POU6F1: variants seen among roughly 807,000 people sequenced by gnomAD.
POU6F1 encodes POU class 6 homeobox 1, also known as POU domain, class 6, transcription factor 1.
In POU6F1, 9 loss-of-function variants were observed where a neutral mutation model predicts 28.9. The observed-to-expected ratio is 0.31, with a 90% CI of 0.19 to 0.54. The LOEUF (loss-of-function observed/expected upper bound fraction) is 0.54, where lower values mean the gene tolerates loss of function less well. Ranked by LOEUF, POU6F1 falls within the 20% of genes least tolerant of loss-of-function variation. POU6F1 has a pLI of 0.94. For synonymous variants in POU6F1, 173 were observed against 171.1 expected, an observed-to-expected ratio of 1.01 and a Z score of -0.09; for missense variants, 338 against 426.1, an observed-to-expected ratio of 0.79 and a Z score of 1.82.
chr12:51,200,289 G>C (rs1943127008), intron 3 of POU6F1, among the ~76,000 whole-genome samples: 1 of 152,188 alleles, frequency 6.6e-6, no homozygotes, highest in African/African-American at 2.4e-5. Flanking sequence ...CTGAATCGCT[G>C]TTCATCCACC....
chr12:51,206,400 G>A (rs997149036), intron 2 of POU6F1, among the ~76,000 whole-genome samples: 14 of 150,688 alleles, frequency 9.3e-5, no homozygotes, highest in African/African-American at 1.7e-4. Context: ...TCCAGCCTGG[G>A]TGACAGAGTG....
chr12:51,209,858 A>G (rs1943869915), intron 1 of POU6F1, among the ~76,000 whole-genome samples: 1 of 152,160 alleles, frequency 6.6e-6, no homozygotes, highest in African/African-American at 2.4e-5. Context: ...AGGTAGGATG[A>G]GGGGGTGCAG....
intron 3 of POU6F1, among the ~76,000 whole-genome samples, chr12:51,200,550 C>T (rs1280676641): frequency 1.3e-5 from 2 of 152,186 alleles, no homozygotes; most frequent in Non-Finnish European, 2.9e-5. Context: ...AGCCTACACA[C>T]GTACTGGGGT....
intron 3 of POU6F1, chr12:51,201,757 G>A (rs1565618251): frequency 6.6e-6 from 1 of 152,086 alleles, no homozygotes. Flanking sequence ...ACATACATTA[G>A]GGCTGCTATT....
chr12:51,190,415 T>C lies in POU6F1; in HGVS notation c.1668A>G (p.Ile556Met). Reference sequence around the variant, plus strand: ...TCTCAAAATAGGCATTGAGAGCCTCTATGGCCTGGGGGGTGAAGGAGGTGC... The same window carrying C: ...TCTCAAAATAGGCATTGAGAGCCTCCATGGCCTGGGGGGTGAAGGAGGTGC... ...KRRTSFTPQAIEALNAYFEKN... is the reference protein window; with the variant it reads ...KRRTSFTPQAMEALNAYFEKN... The change falls in exon 11 of 11, where the codon ATA becomes ATG. Residue 556 changes from isoleucine (I) to methionine (M), a missense_variant. Physicochemically the swap from Ile to Met is conservative, Grantham distance 10. Transcript: ENST00000333640. This position sits in a 1 kb window ranked among gnomAD's most constrained non-coding sequence, Gnocchi z 4.5. The C allele has an allele frequency of 6.2e-7, 1 of 1,614,138 alleles. No homozygotes were observed. Among genetic ancestry groups the C allele is most frequent in the South Asian group, 1.1e-5 (1 of 91,076 alleles).
At chr12:51,207,866 G>A (rs143788930) in intron 1 of POU6F1, among the ~76,000 whole-genome samples, 194 of 152,344 alleles carry the variant, frequency 1.3e-3, no homozygotes, top group Non-Finnish European at 2.4e-3. Context: ...TGTAACAGAG[G>A]AGGTGGGACA....
intron 6 of POU6F1, 32 bp downstream of exon 6, chr12:51,197,738 C>T (rs1942935337): frequency 5.0e-6 from 2 of 399,408 alleles, no homozygotes; most frequent in Admixed American, 8.8e-5. Context: ...CCGTCCATCC[C>T]TGGTCAGCCC....
Position 51,196,104 on chromosome 12 carries a change from G to C in POU6F1, c.1045C>G (p.Gln349Glu). The change falls in exon 8 of 11, where the codon CAG (glutamine) becomes GAG (glutamate). Residue 349 changes from glutamine to glutamate, a missense_variant. Transcript: ENST00000333640. ...AGCTGGGGGGTCACGGCCTGGACCT[G>C]CAGGCTTTGGGCTGGTGCTGGGGCC... is the stretch of plus-strand genomic sequence containing the variant. ...VAAPAPAQSL[Q>E]VQAVTPQLLL... 6.3e-7 allele frequency: 1 copy of C among 1,595,704 alleles called. No individual in the cohort carries two copies. The highest frequency in any genetic ancestry group is 8.5e-7 in the Non-Finnish European group (1 of 1,171,696).
At chr12:51,212,531 G>A (rs61932926) in intron 1 of POU6F1, among the ~76,000 whole-genome samples, 151,085 of 151,090 alleles carry the variant, frequency 1, 75,540 homozygotes, top group Middle Eastern at 1. Context: ...CTGTAATCCC[G>A]GCACTTTGGG....
intron 8 of POU6F1, among the ~76,000 whole-genome samples, chr12:51,194,742 GA>G (rs1253053213): frequency 6.6e-6 from 1 of 151,672 alleles, no homozygotes; most frequent in Non-Finnish European, 1.5e-5. Flanking sequence ...GTAATAACAA[GA>G]ACTACTGCTT....
intron 1 of POU6F1, among the ~76,000 whole-genome samples, chr12:51,215,534 C>T (rs567053441): frequency 1.6e-5 from 2 of 125,194 alleles, no homozygotes; most frequent in East Asian, 2.3e-4. Flanking sequence ...CCAGACTGAG[C>T]GACAGAGTGA....
Position 51,199,427 on chromosome 12 carries a change from A to G in POU6F1, c.366+320T>C, listed in dbSNP as rs1943064502. Among the ~76,000 whole-genome samples, 1 of 152,192 alleles carries G rather than the reference A, an allele frequency of 6.6e-6. No individual in the cohort carries two copies. The highest frequency in any genetic ancestry group is 2.1e-4 in the South Asian group (1 of 4,836). ...ATTAACTCTTACAGGCATCCACTGG[A>G]GGGCCGGCAAGGGTATTCATTCATT... On this transcript the variant is annotated intron_variant, in intron 4 of 10. Transcript: ENST00000333640. The surrounding 1 kb of genome is among the most constrained non-coding windows in gnomAD (Gnocchi z 4.1).
intron 8 of POU6F1, among the ~76,000 whole-genome samples, chr12:51,194,688 C>T (rs987091098): frequency 6.6e-6 from 1 of 150,762 alleles, no homozygotes; most frequent in East Asian, 1.9e-4. Flanking sequence ...TCCTTGCTAA[C>T]GCCCTTCAGC....
rs1329624765 is a variant in POU6F1, at chr12:51,187,353, T to G, written c.*2894A>C. ...TGTCCATTCTCCTCTCTTTCCATAGTAAAGACGACACTAAGCTCTGGTGTA... is the reference window on the plus strand; with the variant it reads ...TGTCCATTCTCCTCTCTTTCCATAGGAAAGACGACACTAAGCTCTGGTGTA... On this transcript the variant is annotated 3_prime_UTR_variant, in exon 11 of 11. Coordinates refer to ENST00000333640, the MANE Select transcript of POU6F1 (RefSeq NM_001330422.2). The G allele has an allele frequency of 6.6e-6, 1 of 152,228 alleles. No homozygotes were observed. Among genetic ancestry groups the G allele is most frequent in the Non-Finnish European group, 1.5e-5 (1 of 68,044 alleles). The allele number at this position is 152,228 out of a possible 1,614,324, so 9.4% of individuals were successfully genotyped here. A position where few individuals can be genotyped will look rare whatever the true frequency, so the allele number is the denominator to read the frequency against.
rs1256044053 is a variant in POU6F1 at position 51,217,742 on chromosome 12, G to C, written c.-148C>G. The C allele has an allele frequency of 6.6e-6, 1 of 151,748 alleles. No individual in the cohort carries two copies. 9.4% of individuals were successfully genotyped at this position (151,748 alleles called of 1,614,324 possible). Reference sequence around the variant, plus strand: ...CCAGGGGGCCGGGGCCGGGGCCGGGGCCACGGCGGCCGCCGCCCGCAGACA... The same window carrying C: ...CCAGGGGGCCGGGGCCGGGGCCGGGCCCACGGCGGCCGCCGCCCGCAGACA... On this transcript the variant is annotated 5_prime_UTR_variant, in exon 1 of 11. Transcript: ENST00000333640. The surrounding 1 kb of genome is among the most constrained non-coding windows in gnomAD (Gnocchi z 5.3).
chr12:51,213,406 GT>G (rs1480314076), intron 1 of POU6F1, among the ~76,000 whole-genome samples: 1 of 151,970 alleles, frequency 6.6e-6, no homozygotes, highest in Admixed American at 6.6e-5. Flanking sequence ...CAGAGACAGG[GT>G]CTTTCCATGT....
At chr12:51,211,397 G>A (rs1323772246) in intron 1 of POU6F1, among the ~76,000 whole-genome samples, 2 of 152,158 alleles carry the variant, frequency 1.3e-5, no homozygotes, top group African/African-American at 4.8e-5. Flanking sequence ...AAGGCACTCT[G>A]GTTGGCTAGC....
chr12:51,196,817 G>T lies in POU6F1; in HGVS notation c.957C>A (p.Leu319=). 8 of 1,614,050 alleles carry T rather than the reference G, an allele frequency of 5.0e-6. No homozygotes were observed. The highest frequency in any genetic ancestry group is 6.8e-6 in the Non-Finnish European group (8 of 1,179,962). ...PSMPGISSQI[L]TNAQGQVIGT... ...CACTTGCCTGTCCCTGAGCATTGGT[G>T]AGGATCTGACTGCTGATCCCTGGCA... is the stretch of plus-strand genomic sequence containing the variant. The change falls in exon 7 of 11, where the codon CTC becomes CTA. Residue 319 remains leucine (L), a synonymous_variant. Transcript: ENST00000333640.
rs145943282 is a variant in POU6F1, at chr12:51,209,282, G to A, written c.-47-2399C>T. Among the ~76,000 whole-genome samples the A allele has an allele frequency of 1.9e-3, 288 of 152,272 alleles. 3 individuals carry two copies. Among genetic ancestry groups the A allele is most frequent in the African/African-American group, 6.4e-3 (266 of 41,548 alleles). On this transcript the variant is annotated intron_variant, in intron 1 of 10. Coordinates refer to ENST00000333640, the MANE Select transcript of POU6F1 (RefSeq NM_001330422.2). ...AAAGGAAACTCCATATCCACTAACA[G>A]TCATTCACCTTCCACTGCCACCGCC...
Sources: allele counts gnomAD v4.1 joint callset (sites outside exome capture counted in the v4.1 genomes callset), GRCh38; gene constraint gnomAD v4.1.1; non-coding constraint Gnocchi (gnomAD v3.1); transcripts MANE v1.5; gene names NCBI Gene and HGNC (gene_info 2026-07-23, HGNC 2026-07-21).